Variants in MACROD2 observed in about 807,000 individuals in gnomAD.
The protein encoded by MACROD2 is mono-ADP ribosylhydrolase 2.
In MACROD2, 36 loss-of-function variants were observed where a neutral mutation model predicts 70.4. The observed-to-expected ratio is 0.51, with a 90% CI of 0.39 to 0.68. MACROD2 has a LOEUF of 0.68. Ranked by LOEUF, MACROD2 falls within the 30% of genes least tolerant of loss-of-function variation. The pLI is 0.00. For missense variants in MACROD2, 496 were observed against 538.4 expected, an observed-to-expected ratio of 0.92 and a Z score of 0.78; for synonymous variants, 172 against 178.8, an observed-to-expected ratio of 0.96 and a Z score of 0.30.
chr20:14,896,017 C>A (rs1313642321), intron 5 of MACROD2, among the ~76,000 whole-genome samples: 1 of 152,178 alleles, frequency 6.6e-6, no homozygotes, highest in African/African-American at 2.4e-5. Flanking sequence ...TGGAAATAGG[C>A]CGGGTGCTGT....
At chr20:15,796,913 G>A (rs2147065015) in intron 8 of MACROD2, among the ~76,000 whole-genome samples, 1 of 152,250 alleles carries the variant, frequency 6.6e-6, no homozygotes, top group South Asian at 2.1e-4. Context: ...ATATTTGAAT[G>A]CCTGTTATAT....
chr20:15,661,926 C>T (rs542139786), intron 8 of MACROD2, among the ~76,000 whole-genome samples: 12 of 152,252 alleles, frequency 7.9e-5, no homozygotes, highest in African/African-American at 2.9e-4. Context: ...CATTATTAAG[C>T]CCTTTACGAT....
intron 9 of MACROD2, among the ~76,000 whole-genome samples, chr20:15,878,197 A>C (rs2147195180): frequency 6.6e-6 from 1 of 152,222 alleles, no homozygotes; most frequent in South Asian, 2.1e-4. Context: ...ATCTTATGAA[A>C]AGCATAACTG....
intron 8 of MACROD2, among the ~76,000 whole-genome samples, chr20:15,824,439 T>A (rs1301236075): frequency 6.6e-6 from 1 of 152,198 alleles, no homozygotes; most frequent in Non-Finnish European, 1.5e-5. Context: ...ATTTGTTACT[T>A]TCTAGAATAG....
intron 6 of MACROD2, among the ~76,000 whole-genome samples, chr20:15,338,942 G>A (rs2078078329): frequency 2.0e-5 from 3 of 151,944 alleles, no homozygotes; most frequent in South Asian, 4.1e-4. Context: ...GGTACACTCT[G>A]TATATTTGGG....
At position 15,051,338 on chromosome 20, in the gene MACROD2, A is replaced by ATG. The variant is rs6147297; in HGVS notation, c.419-178542_419-178541dup. 2.5e-3 allele frequency among the ~76,000 whole-genome samples: 330 copies of ATG among 129,416 alleles called. 3 individuals carry two copies. The highest frequency in any genetic ancestry group is 4.1e-3 in the Middle Eastern group (1 of 246). 84.9% of individuals were successfully genotyped at this position (129,416 alleles called of 152,430 possible). On this transcript the variant is annotated intron_variant, in intron 5 of 17. Coordinates refer to ENST00000684519, the MANE Select transcript of MACROD2 (RefSeq NM_001351661.2). ...CTACAGAACCAGAAATCAGTAGGAG[A>ATG]TGTGTGTGTGTGTGTGTGTGTGTGT...
At chr20:14,384,142 T>C (rs1416181092) in intron 3 of MACROD2, among the ~76,000 whole-genome samples, 2 of 152,140 alleles carry the variant, frequency 1.3e-5, no homozygotes, top group East Asian at 1.9e-4. Context: ...TTCATCGTAT[T>C]TCTTACATTA....
intron 5 of MACROD2, among the ~76,000 whole-genome samples, chr20:14,686,022 A>G (rs1462223861): frequency 2.0e-5 from 3 of 152,208 alleles, no homozygotes; most frequent in African/African-American, 4.8e-5. Flanking sequence ...ATAGTAATAT[A>G]TTAAAACAGT....
chr20:15,403,374 G>A lies in MACROD2; in HGVS notation c.541-28031G>A, dbSNP rs1376143854. ...TATATTGGCATATCCAAGTGTGTTT[G>A]TGTAGGTCTGTGTGTGTTTGTTAGA... On this transcript the variant is annotated intron_variant, in intron 6 of 17. Coordinates refer to ENST00000684519, the MANE Select transcript of MACROD2 (RefSeq NM_001351661.2). Among the ~76,000 whole-genome samples, 7 of 152,054 alleles carry A rather than the reference G, an allele frequency of 4.6e-5. No individual in the cohort carries two copies. In the South Asian group the frequency reaches 1.2e-3, roughly 27 times the overall value.
intron 4 of MACROD2, among the ~76,000 whole-genome samples, chr20:14,525,440 C>A (rs1270293002): frequency 6.6e-6 from 1 of 152,190 alleles, no homozygotes; most frequent in East Asian, 1.9e-4. Context: ...CATTATAATT[C>A]ATATCTCACT....
At chr20:14,334,364 T>A (rs2082898098) in intron 3 of MACROD2, among the ~76,000 whole-genome samples, 1 of 152,234 alleles carries the variant, frequency 6.6e-6, no homozygotes, top group African/African-American at 2.4e-5. Context: ...ACCAACTCTT[T>A]GTTGGAAATT....
chr20:15,837,633 C>A (rs547162465), intron 8 of MACROD2, among the ~76,000 whole-genome samples: 1 of 152,190 alleles, frequency 6.6e-6, no homozygotes, highest in South Asian at 2.1e-4. Flanking sequence ...TCATTTCTAC[C>A]TCCAGAAACT....
At chr20:16,030,101 T>C (rs2067132769) in intron 15 of MACROD2, among the ~76,000 whole-genome samples, 1 of 152,118 alleles carries the variant, frequency 6.6e-6, no homozygotes, top group Non-Finnish European at 1.5e-5. Context: ...ACTGACTCTT[T>C]CTCCTGGAAA....
intron 8 of MACROD2, among the ~76,000 whole-genome samples, chr20:15,848,117 A>G (rs957050784): frequency 2.6e-5 from 4 of 152,214 alleles, no homozygotes; most frequent in Non-Finnish European, 5.9e-5. Flanking sequence ...ATAACACTGA[A>G]TTTTACCTTA....
chr20:15,373,188 A>G (rs537435973), intron 6 of MACROD2, among the ~76,000 whole-genome samples: 1 of 152,320 alleles, frequency 6.6e-6, no homozygotes, highest in South Asian at 2.1e-4. Flanking sequence ...GTGATAGGCC[A>G]TGTTTCTATA....
chr20:15,671,349 G>C (rs1050383107), intron 8 of MACROD2, among the ~76,000 whole-genome samples: 3 of 152,156 alleles, frequency 2.0e-5, no homozygotes, highest in African/African-American at 7.2e-5. Context: ...TAAGAGATGA[G>C]GGAATATATC....
intron 5 of MACROD2, among the ~76,000 whole-genome samples, chr20:14,974,765 A>G (rs2074723303): frequency 6.6e-6 from 1 of 151,910 alleles, no homozygotes; most frequent in Admixed American, 6.6e-5. Context: ...CAAGGGCAAG[A>G]GAGTCCTGTT....
At chr20:14,485,524 A>T (rs1043336164) in intron 3 of MACROD2, among the ~76,000 whole-genome samples, 4 of 151,982 alleles carry the variant, frequency 2.6e-5, no homozygotes, top group Non-Finnish European at 5.9e-5. Context: ...ACACGGTGAA[A>T]CCCCGTCTCT....
At chr20:14,177,831 A>T (rs2081275178) in intron 3 of MACROD2, among the ~76,000 whole-genome samples, 1 of 152,206 alleles carries the variant, frequency 6.6e-6, no homozygotes, top group South Asian at 2.1e-4. Flanking sequence ...ATTTTATACC[A>T]TGTCTTATAT....
Sources: gnomAD v4.1 joint callset for allele counts (sites outside exome capture counted in the v4.1 genomes callset) on GRCh38, gnomAD v4.1.1 for gene constraint, MANE v1.5 for transcripts, NCBI Gene and HGNC (gene_info 2026-07-23, HGNC 2026-07-21) for gene names.